Variants in KIF26A observed in about 807,000 individuals in gnomAD.
KIF26A encodes kinesin family member 26A.
A neutral mutation model predicts 126.0 loss-of-function variants in KIF26A; 74 were observed. The observed-to-expected ratio is 0.59, with a 90% CI of 0.49 to 0.71. The LOEUF (loss-of-function observed/expected upper bound fraction) is 0.71, where lower values mean the gene tolerates loss of function less well. Ranked by LOEUF, KIF26A falls within the 30% of genes least tolerant of loss-of-function variation. KIF26A has a pLI of 0.00. For missense variants in KIF26A, 2,984 were observed against 2,763.3 expected (o/e 1.08, Z -1.79); for synonymous variants, 1,445 against 1,232.7 (o/e 1.17, Z -3.61).
rs2037726632 is a variant in KIF26A, at chr14:104,151,268, A to G, written c.289-747A>G. On this transcript the variant is annotated intron_variant, in intron 2 of 14. Transcript: ENST00000423312. This position sits in a 1 kb window ranked among gnomAD's most constrained non-coding sequence, Gnocchi z 4.9. Reference sequence around the variant, plus strand: ...CTGGCTCTTGTTTTTAGCCGTTTCTAGAACCCAGTCTCAGGGTTCTAGAGA... The same window carrying G: ...CTGGCTCTTGTTTTTAGCCGTTTCTGGAACCCAGTCTCAGGGTTCTAGAGA... Among the ~76,000 whole-genome samples the G allele has an allele frequency of 6.6e-6, 1 of 152,088 alleles. No individual in the cohort carries two copies. Among genetic ancestry groups the G allele is most frequent in the African/African-American group, 2.4e-5 (1 of 41,390 alleles).
intron 4 of KIF26A, among the ~76,000 whole-genome samples, chr14:104,161,029 G>A (rs554699647): frequency 1.3e-4 from 14 of 109,960 alleles, no homozygotes; most frequent in African/African-American, 4.1e-4. Context: ...GGGAGAGTGC[G>A]CTGCCCGAGG....
intron 5 of KIF26A, among the ~76,000 whole-genome samples, chr14:104,169,397 C>T (rs1244390897): frequency 6.6e-6 from 1 of 152,252 alleles, no homozygotes; most frequent in African/African-American, 2.4e-5. Flanking sequence ...GGGACAGCTT[C>T]TGCCCCACTT....
chr14:104,179,639 C>G lies in KIF26A; in HGVS notation c.5498C>G (p.Ser1833Trp). ...GTGGACCCGGAGCTGGAGCCCGAGT[C>G]GGCCGAGTACCTGGCGGCCCTGGAG... is the stretch of plus-strand genomic sequence containing the variant. ...FEVDPELEPE[S>W]AEYLAALERA... The change falls in exon 15 of 15, where the codon TCG (serine) becomes TGG (tryptophan). Residue 1833 changes from serine to tryptophan, a missense_variant. Physicochemically the swap from Ser to Trp is radical, Grantham distance 177. Transcript: ENST00000423312. 6.5e-7 allele frequency: 1 copy of G among 1,541,928 alleles called. No homozygotes were observed. The highest frequency in any genetic ancestry group is 8.8e-7 in the Non-Finnish European group (1 of 1,142,676).
chr14:104,164,596 G>A (rs1364384308), intron 4 of KIF26A, among the ~76,000 whole-genome samples: 1 of 152,186 alleles, frequency 6.6e-6, no homozygotes, highest in Non-Finnish European at 1.5e-5. Context: ...TGGGACCTGG[G>A]AACACATCCC....
rs1011638350 is a variant in KIF26A, at chr14:104,152,748, C to T, written c.735+287C>T. Among the ~76,000 whole-genome samples the T allele has an allele frequency of 1.3e-5, 2 of 152,202 alleles. No individual in the cohort carries two copies. Among genetic ancestry groups the T allele is most frequent in the Non-Finnish European group, 2.9e-5 (2 of 68,016 alleles). ...ACTGGGGCTGAGGGCCCACCAGTGC[C>T]CAGCACAGGGCTTGGCGATGCACAG... is the stretch of plus-strand genomic sequence containing the variant. On this transcript the variant is annotated intron_variant, in intron 3 of 14. Transcript: ENST00000423312. This position sits in a 1 kb window ranked among gnomAD's most constrained non-coding sequence, Gnocchi z 5.9.
rs1203065492 is a variant in KIF26A, at chr14:104,176,356, A to G, written c.3568A>G (p.Arg1190Gly). The change falls in exon 12 of 15, where the codon AGG becomes GGG. Residue 1190 changes from arginine to glycine, a missense_variant. Physicochemically the swap from Arg to Gly is moderately radical, Grantham distance 125. Coordinates refer to ENST00000423312, the MANE Select transcript of KIF26A (RefSeq NM_015656.2). ...VAAVAPSRPG[R>G]EPQAGPSRWA... is the part of the protein sequence containing the mutation. The stretch of plus-strand genomic sequence containing the variant: ...TGCAGTGGCCCCATCCCGACCCGGC[A>G]GGGAGCCCCAGGCCGGGCCCTCGCG... 1.3e-6 allele frequency: 2 copies of G among 1,581,666 alleles called. No homozygotes were observed. Among genetic ancestry groups the G allele is most frequent in the Admixed American group, 3.5e-5 (2 of 57,630 alleles).
chr14:104,173,344 C>T lies in KIF26A; in HGVS notation c.1698C>T (p.Ser566=), dbSNP rs769708280. The change falls in exon 9 of 15, where the codon AGC becomes AGT. Residue 566 remains serine, a synonymous_variant. Transcript: ENST00000423312. The stretch of plus-strand genomic sequence containing the variant: ...CTTTCCTGCAGCTCCAGAACCAAAG[C>T]GAGCTGCGGGCACCCACGGCCGAGA... The part of the protein sequence containing the change: ...PVCGAQLQNQ[S]ELRAPTAEKA... The T allele has an allele frequency of 1.7e-5, 27 of 1,605,358 alleles. No homozygotes were observed. Among genetic ancestry groups the T allele is most frequent in the Admixed American group, 3.4e-5 (2 of 59,096 alleles).
chr14:104,159,070 G>C (rs1010947682), intron 4 of KIF26A, among the ~76,000 whole-genome samples: 5 of 152,208 alleles, frequency 3.3e-5, no homozygotes, highest in Non-Finnish European at 7.3e-5. Flanking sequence ...GGGCATTGTC[G>C]CACGCCGTGT....
Position 104,152,244 on chromosome 14 carries a change from C to T in KIF26A, c.518C>T (p.Thr173Met), listed in dbSNP as rs373950178. The change falls in exon 3 of 15, where the codon ACG (threonine) becomes ATG (methionine). Residue 173 changes from threonine (T) to methionine (M), a missense_variant. Transcript: ENST00000423312. This position sits in a 1 kb window ranked among gnomAD's most constrained non-coding sequence, Gnocchi z 5.9. ...AGCACCACGACCAGCTCGAGGGACA[C>T]GCCAGGACCAGCGGGTCCTGCAGGG... is the stretch of plus-strand genomic sequence containing the variant. ...PPSTTTSSRD[T>M]PGPAGPAGRQ... 2.7e-5 allele frequency: 43 copies of T among 1,597,782 alleles called. No homozygotes were observed. Among genetic ancestry groups the T allele is most frequent in the East Asian group, 1.1e-4 (5 of 43,946 alleles).
Position 104,151,275 on chromosome 14 carries a change from A to G in KIF26A, c.289-740A>G, listed in dbSNP as rs1378822821. On this transcript the variant is annotated intron_variant, in intron 2 of 14. Transcript: ENST00000423312. The surrounding 1 kb of genome is among the most constrained non-coding windows in gnomAD (Gnocchi z 4.9). ...TTGTTTTTAGCCGTTTCTAGAACCC[A>G]GTCTCAGGGTTCTAGAGAAACCTGT... Among the ~76,000 whole-genome samples the G allele has an allele frequency of 6.6e-6, 1 of 152,058 alleles. No homozygotes were observed. The highest frequency in any genetic ancestry group is 1.5e-5 in the Non-Finnish European group (1 of 67,992).
At chr14:104,167,863 A>G (rs1201140851) in intron 5 of KIF26A, among the ~76,000 whole-genome samples, 1 of 151,512 alleles carries the variant, frequency 6.6e-6, no homozygotes, top group Non-Finnish European at 1.5e-5. Flanking sequence ...TGGTGCCTCC[A>G]GGCCCGGGAG....
At chr14:104,146,347 G>T (rs894408263) in intron 2 of KIF26A, among the ~76,000 whole-genome samples, 4 of 152,124 alleles carry the variant, frequency 2.6e-5, no homozygotes, top group African/African-American at 2.4e-5. Context: ...GCTGCATTTG[G>T]TGTTGTGGGA....
chr14:104,163,645 T>C (rs1178564826), intron 4 of KIF26A, among the ~76,000 whole-genome samples: 1 of 150,976 alleles, frequency 6.6e-6, no homozygotes, highest in Non-Finnish European at 1.5e-5. Flanking sequence ...CCTGTGTGGC[T>C]CAGCTACCAG....
chr14:104,173,783 G>C lies in KIF26A; in HGVS notation c.1945G>C (p.Ala649Pro). ...GGCGGCTGGCAGGGCCGGGGAGGCTGCTGGGGGTCCCCTGTGTCTGTCCCT... is the reference window on the plus strand; with the variant it reads ...GGCGGCTGGCAGGGCCGGGGAGGCTCCTGGGGGTCCCCTGTGTCTGTCCCT... ...EAAAGRAGEA[A>P]GGPLCLSLSA... is the part of the protein sequence containing the mutation. Residue 649 changes from alanine (A) to proline (P), a missense_variant, in exon 10 of 15, where the codon GCT (alanine) becomes CCT (proline). Ala to Pro is a conservative substitution (Grantham distance 27). Transcript: ENST00000423312. 1 of 1,607,450 alleles carries C rather than the reference G, an allele frequency of 6.2e-7. No homozygotes were observed.
At position 104,148,983 on chromosome 14, in the gene KIF26A, T is replaced by G. The variant is rs1437523921; in HGVS notation, c.289-3032T>G. Among the ~76,000 whole-genome samples the G allele has an allele frequency of 1.3e-5, 2 of 152,144 alleles. No homozygotes were observed. Among genetic ancestry groups the G allele is most frequent in the African/African-American group, 4.8e-5 (2 of 41,446 alleles). On this transcript the variant is annotated intron_variant, in intron 2 of 14. Coordinates refer to ENST00000423312, the MANE Select transcript of KIF26A (RefSeq NM_015656.2). This position sits in a 1 kb window ranked among gnomAD's most constrained non-coding sequence, Gnocchi z 4.3. ...GTCTCGGGTCCTCTGGGCTGGGCTG[T>G]GTGGCTCTGAGTGGCCCCGGCAAGC...
intron 3 of KIF26A, among the ~76,000 whole-genome samples, chr14:104,157,533 A>G (rs948788559): frequency 6.6e-6 from 1 of 152,140 alleles, no homozygotes; most frequent in African/African-American, 2.4e-5. Context: ...CCGAGCTGGG[A>G]ACGTGACCTC....
Position 104,173,436 on chromosome 14 carries a change from A to T in KIF26A, c.1790A>T (p.Asp597Val), listed in dbSNP as rs771178058. 1.9e-6 allele frequency: 3 copies of T among 1,585,070 alleles called. No homozygotes were observed. The African/African-American group carries it at 4.0e-5, about 21-fold the overall frequency. ...RSTSRAGCGE[D>V]ARRSSHMLFT... is the part of the protein sequence containing the mutation. ...ACCAGCCGAGCGGGCTGTGGCGAGG[A>T]CGCCCGACGCAGCTCCCACATGTTG... Residue 597 changes from aspartate to valine, a missense_variant, in exon 9 of 15, where the codon GAC (aspartate) becomes GTC (valine). Physicochemically the swap from Asp to Val is radical, Grantham distance 152 (BLOSUM62 -3). Transcript: ENST00000423312.
At chr14:104,178,010 T>G in intron 12 of KIF26A, 112 bp downstream of exon 12, 2 of 1,222,756 alleles carry the variant, frequency 1.6e-6, no homozygotes, top group Non-Finnish European at 2.2e-6. Context: ...GGGCACAGCC[T>G]TCAAGGTCCC....
chr14:104,165,217 GTGTTTCTGTGTGCA>G (rs2037875899), intron 4 of KIF26A, among the ~76,000 whole-genome samples: 1 of 150,570 alleles, frequency 6.6e-6, no homozygotes, highest in African/African-American at 2.5e-5. Flanking sequence ...GTCTCTGCAT[GTGTTTCTGTGTGCA>G]TGTGTGTCTC....
Sources: gnomAD v4.1 joint callset for allele counts (sites outside exome capture counted in the v4.1 genomes callset) on GRCh38, gnomAD v4.1.1 for gene constraint, Gnocchi (gnomAD v3.1) non-coding constraint, MANE v1.5 for transcripts, NCBI Gene and HGNC (gene_info 2026-07-23, HGNC 2026-07-21) for gene names.